XG: variants seen among roughly 807,000 people sequenced by gnomAD.
XG encodes the protein Xg glycoprotein (Xg blood group).
Under a neutral mutation model 25.7 loss-of-function variants are expected in XG, and 24 were observed. That is an observed-to-expected ratio of 0.93 (90% CI 0.68 to 1.31). XG has a LOEUF of 1.31. XG is among the 40% of genes most tolerant of loss of function. XG has a pLI of 0.00. For synonymous variants in XG, 77 were observed against 69.2 expected (o/e 1.11, Z -0.56); for missense variants, 181 against 187.6 (o/e 0.96, Z 0.21).
At chrX:2,765,356 AAG>A (rs2050658681) in intron 1 of XG, among the ~76,000 whole-genome samples, 1 of 136,322 alleles carries the variant, frequency 7.3e-6, no homozygotes, top group Non-Finnish European at 1.6e-5. Flanking sequence ...GTATGAGAGA[AAG>A]AGAGAAAGAG....
rs894486330 is a variant in XG at position 2,815,182 on chromosome X, G to A, written c.*802G>A. 9 of 111,251 alleles carry A rather than the reference G, an allele frequency of 8.1e-5. No homozygotes were observed. The highest frequency in any genetic ancestry group is 5.7e-5 in the Non-Finnish European group (3 of 53,020). 9.2% of individuals were successfully genotyped at this position (111,251 alleles called of 1,213,427 possible). ...TACTCTGTAAGTGCTAGTTCCTAAG[G>A]CACCAACATTGCATTCCTTGGTTTA... On this transcript the variant is annotated 3_prime_UTR_variant, in exon 11 of 11. Transcript: ENST00000644266.
chrX:2,787,341 G>C (rs1228891848), intron 4 of XG, among the ~76,000 whole-genome samples: 1 of 111,741 alleles, frequency 8.9e-6, no homozygotes, highest in Non-Finnish European at 1.9e-5. Context: ...CAAGGAGAGA[G>C]GCCTCAGGAG....
intron 3 of XG, among the ~76,000 whole-genome samples, chrX:2,776,677 C>G (rs2051000169): frequency 6.6e-6 from 1 of 152,074 alleles, no homozygotes; most frequent in Non-Finnish European, 1.5e-5. Context: ...AACCCCGTCT[C>G]TACTAAAAAA....
chrX:2,760,015 G>C (rs888353349), intron 1 of XG, among the ~76,000 whole-genome samples: 1 of 152,174 alleles, frequency 6.6e-6, no homozygotes, highest in Non-Finnish European at 1.5e-5. Context: ...TCCAGGCATG[G>C]AGGCGTGTGC....
At position 2,805,835 on chromosome X, in the gene XG, A is replaced by G. The variant is rs139827996; in HGVS notation, c.374-866A>G. ...CTCTCTAAGGACGTTGTGTTCAAAT[A>G]CAGTCACAGTCTGATGCCCTGGGGG... On this transcript the variant is annotated intron_variant, in intron 7 of 10. Coordinates refer to ENST00000644266, the MANE Select transcript of XG (RefSeq NM_001141919.2). 1.1e-3 allele frequency among the ~76,000 whole-genome samples: 128 copies of G among 111,779 alleles called. 2 individuals are homozygous for G. The East Asian group carries it at 0.031, about 27-fold the overall frequency.
chrX:2,776,011 C>A lies in XG; in HGVS notation c.127+1272C>A, dbSNP rs183828101. Among the ~76,000 whole-genome samples, 17 of 150,632 alleles carry A rather than the reference C, an allele frequency of 1.1e-4. No homozygotes were observed. In the East Asian group the frequency reaches 2.0e-3, roughly 17 times the overall value. Reference sequence around the variant, plus strand: ...AAGAAAAAGAAATAATTCCCGGGGCCGGGCGCAGTGGCTCACGCCTGTAAT... The same window carrying A: ...AAGAAAAAGAAATAATTCCCGGGGCAGGGCGCAGTGGCTCACGCCTGTAAT... On this transcript the variant is annotated intron_variant, in intron 3 of 10. Transcript: ENST00000644266.
chrX:2,813,072 G>A (rs1010236621), intron 10 of XG, among the ~76,000 whole-genome samples: 1 of 112,379 alleles, frequency 8.9e-6, no homozygotes, highest in Non-Finnish European at 1.9e-5. Context: ...CCATTTATCT[G>A]AGGTGGAAGG....
chrX:2,790,761 A>G (rs1196172422), intron 5 of XG, among the ~76,000 whole-genome samples: 1 of 111,959 alleles, frequency 8.9e-6, no homozygotes, highest in African/African-American at 3.2e-5. Flanking sequence ...GATTGTGCCA[A>G]TGCACAATCT....
intron 2 of XG, among the ~76,000 whole-genome samples, chrX:2,773,903 A>G (rs1259438281): frequency 6.6e-6 from 1 of 152,026 alleles, no homozygotes; most frequent in South Asian, 2.1e-4. Context: ...AGAAAAGGTG[A>G]TGAGAAACCT....
chrX:2,807,510 GCACACATC>G (rs2087012320), intron 8 of XG, among the ~76,000 whole-genome samples: 3 of 5,555 alleles, frequency 5.4e-4, no homozygotes, highest in African/African-American at 6.3e-4. Flanking sequence ...GTAAACATGT[GCACACATC>G]GGTGTGTGCA....
intron 3 of XG, among the ~76,000 whole-genome samples, chrX:2,778,280 C>T (rs2051044446): frequency 1.3e-5 from 2 of 152,294 alleles, no homozygotes; most frequent in Non-Finnish European, 2.9e-5. Context: ...TGGTGGCTCA[C>T]GCCTGTAATC....
chrX:2,812,778 CAACAT>C (rs2087070336), intron 10 of XG, among the ~76,000 whole-genome samples: 1 of 111,603 alleles, frequency 9.0e-6, no homozygotes, highest in East Asian at 2.8e-4. Flanking sequence ...CTCTTTCACC[CAACAT>C]GGCAGCCATC....
chrX:2,760,445 G>A (rs1438054840), intron 1 of XG, among the ~76,000 whole-genome samples: 1 of 151,720 alleles, frequency 6.6e-6, no homozygotes, highest in Non-Finnish European at 1.5e-5. Context: ...TCTTTAAAGA[G>A]GTGATTCAGG....
Position 2,770,533 on chromosome X carries a change from CTGTTTGCT to C in XG, c.62-16_62-9del, listed in dbSNP as rs2050795004. The C allele has an allele frequency of 1.9e-6, 3 of 1,613,770 alleles. No individual in the cohort carries two copies. Among genetic ancestry groups the C allele is most frequent in the Admixed American group, 3.3e-5 (2 of 59,982 alleles). Reference sequence around the variant, plus strand: ...TTTCCATCATGGGGTGACTTATGCCCTGTTTGCTCCCAATAGGTCAAAGAGACTTTGAT... The same window carrying C: ...TTTCCATCATGGGGTGACTTATGCCCCCCAATAGGTCAAAGAGACTTTGAT... On this transcript the variant is annotated splice_polypyrimidine_tract_variant and intron_variant, in intron 1 of 10. Transcript: ENST00000644266.
chrX:2,774,369 G>C (rs767072754), intron 2 of XG, among the ~76,000 whole-genome samples: 46 of 146,334 alleles, frequency 3.1e-4, no homozygotes, highest in Non-Finnish European at 5.6e-4. Context: ...GAAGCTGCAA[G>C]TCTTTCTCCT....
chrX:2,772,699 T>A (rs1332392817), intron 2 of XG, among the ~76,000 whole-genome samples: 1 of 152,220 alleles, frequency 6.6e-6, no homozygotes, highest in Non-Finnish European at 1.5e-5. Flanking sequence ...AATGTCAAAT[T>A]TTATATGTGA....
chrX:2,811,008 A>G (rs1176174721), intron 9 of XG, among the ~76,000 whole-genome samples: 27 of 112,012 alleles, frequency 2.4e-4, no homozygotes, highest in African/African-American at 8.7e-4. Flanking sequence ...AAAAATGCCA[A>G]GTGCCTCGTC....
intron 1 of XG, among the ~76,000 whole-genome samples, chrX:2,753,509 A>G (rs113777399): frequency 0.073 from 11,082 of 152,198 alleles, 437 homozygotes; most frequent in Middle Eastern, 0.14. Context: ...AGATTTTTCA[A>G]CTTTACAACG....
intron 8 of XG, among the ~76,000 whole-genome samples, chrX:2,807,679 G>A (rs1362610061): frequency 3.6e-5 from 4 of 112,482 alleles, no homozygotes; most frequent in Admixed American, 9.3e-5. Flanking sequence ...GTGCTTCTGT[G>A]TTGCATTTGT....
Sources: gnomAD v4.1 joint callset for allele counts (sites outside exome capture counted in the v4.1 genomes callset) on GRCh38, gnomAD v4.1.1 for gene constraint, MANE v1.5 for transcripts, NCBI Gene and HGNC (gene_info 2026-07-23, HGNC 2026-07-21) for gene names.